Variants in CRACDL observed in about 807,000 individuals in gnomAD.
CRACDL encodes the protein CRACD-like protein.
CRACDL carries 26 observed loss-of-function variants against 70.6 expected under a neutral mutation model. That is an observed-to-expected ratio of 0.37 (90% CI 0.27 to 0.51). CRACDL has a LOEUF of 0.51. Among genes scored for constraint, CRACDL ranks in the 20% least tolerant of loss-of-function variants. The pLI is 0.94. For missense variants in CRACDL, 1,283 were observed against 1,376.9 expected (o/e 0.93, Z 1.08); for synonymous variants, 618 against 615.2 (o/e 1.00, Z -0.07).
At chr2:98,887,657 T>C (rs1329851407) in intron 1 of CRACDL, among the ~76,000 whole-genome samples, 2 of 152,114 alleles carry the variant, frequency 1.3e-5, no homozygotes, top group Non-Finnish European at 2.9e-5. Context: ...TTCAAGAAGC[T>C]TGATGACCTT....
chr2:98,819,769 T>C (rs1490647123), intron 7 of CRACDL, among the ~76,000 whole-genome samples: 1 of 152,122 alleles, frequency 6.6e-6, no homozygotes, highest in Non-Finnish European at 1.5e-5. Context: ...CTGGGTTCTA[T>C]TTCCTCTCTG....
intron 1 of CRACDL, among the ~76,000 whole-genome samples, chr2:98,869,705 C>T (rs1437782779): frequency 6.6e-6 from 1 of 152,226 alleles, no homozygotes; most frequent in Non-Finnish European, 1.5e-5. Context: ...GCCTTGATGT[C>T]CACTTGCTAT....
intron 1 of CRACDL, among the ~76,000 whole-genome samples, chr2:98,852,767 A>G (rs1012849076): frequency 6.6e-6 from 1 of 152,114 alleles, no homozygotes; most frequent in Non-Finnish European, 1.5e-5. Flanking sequence ...ATCAATAGAA[A>G]TGATCCAATC....
chr2:98,897,350 A>T, intron 1 of CRACDL: 1 of 1,299,392 alleles, frequency 7.7e-7, no homozygotes, highest in Non-Finnish European at 1.0e-6. Context: ...CTAAATATAT[A>T]TTTGCCTTGC....
intron 1 of CRACDL, among the ~76,000 whole-genome samples, chr2:98,914,544 T>G (rs1708623374): frequency 6.6e-6 from 1 of 152,176 alleles, no homozygotes; most frequent in Non-Finnish European, 1.5e-5. Context: ...GACAGCTTAC[T>G]GTTAGTTTCC....
intron 1 of CRACDL, among the ~76,000 whole-genome samples, chr2:98,922,509 C>T (rs1361062278): frequency 6.6e-6 from 1 of 151,710 alleles, no homozygotes; most frequent in Non-Finnish European, 1.5e-5. Flanking sequence ...GCCTCTCAAA[C>T]TACAATGGGC....
intron 1 of CRACDL, among the ~76,000 whole-genome samples, chr2:98,885,384 A>AT (rs1355784317): frequency 2.6e-5 from 4 of 151,928 alleles, no homozygotes. Context: ...AAGCTACTGC[A>AT]TTTTTTTTCC....
intron 1 of CRACDL, among the ~76,000 whole-genome samples, chr2:98,881,679 C>A (rs1707655265): frequency 6.6e-6 from 1 of 152,170 alleles, no homozygotes; most frequent in Admixed American, 6.5e-5. Flanking sequence ...GGGGCTCACC[C>A]ACAAGGACAA....
chr2:98,795,077 A>ATATATATATATATATTTTTT, intron 9 of CRACDL, among the ~76,000 whole-genome samples: 9 of 58,486 alleles, frequency 1.5e-4, no homozygotes, highest in Non-Finnish European at 2.8e-4. Context: ...ATATATATAT[A>ATATATATATATATATTTTTT]TTTTTTTTTT....
chr2:98,903,144 A>G (rs1257714383), intron 1 of CRACDL, among the ~76,000 whole-genome samples: 2 of 152,136 alleles, frequency 1.3e-5, no homozygotes, highest in Non-Finnish European at 1.5e-5. Context: ...TCAATGATGC[A>G]GAAGCCTGCG....
chr2:98,923,779 T>C (rs767546783), intron 1 of CRACDL, among the ~76,000 whole-genome samples: 13 of 152,238 alleles, frequency 8.5e-5, no homozygotes, highest in African/African-American at 3.1e-4. Context: ...GAAAACATAG[T>C]TACTGTCATA....
At chr2:98,854,279 C>CAAAAAAAAAAA (rs1229198569) in intron 1 of CRACDL, among the ~76,000 whole-genome samples, 1 of 54,212 alleles carries the variant, frequency 1.8e-5, no homozygotes, top group African/African-American at 6.5e-5. Context: ...GACTCTGTCT[C>CAAAAAAAAAAA]AAAAAAAAAA....
chr2:98,802,343 A>G (rs775898663), intron 7 of CRACDL, among the ~76,000 whole-genome samples: 12 of 152,250 alleles, frequency 7.9e-5, no homozygotes, highest in Non-Finnish European at 1.8e-4. Context: ...TCCCGGATGC[A>G]GGACACACTG....
At chr2:98,802,612 G>A (rs1704124327) in intron 7 of CRACDL, among the ~76,000 whole-genome samples, 1 of 152,218 alleles carries the variant, frequency 6.6e-6, no homozygotes, top group African/African-American at 2.4e-5. Flanking sequence ...GATAGGTGAT[G>A]GTTAGTTCTT....
At chr2:98,895,076 G>A (rs567242985) in intron 1 of CRACDL, among the ~76,000 whole-genome samples, 2 of 152,036 alleles carry the variant, frequency 1.3e-5, no homozygotes, top group African/African-American at 4.8e-5. Flanking sequence ...ATACCACTAC[G>A]CTCCAGCCTG....
Position 98,822,073 on chromosome 2 carries a change from G to A in CRACDL, c.2200C>T (p.Pro734Ser). ...GGGGCCCTGGTGCCTCGAAGGGCGG[G>A]GGCCGTCCCGAGGGGACACTTCTCC... ...KEEKCPLGTAPALRGTRAPSD... is the reference protein window; with the variant it reads ...KEEKCPLGTASALRGTRAPSD... The change falls in exon 7 of 10, where the codon CCC becomes TCC. Residue 734 changes from proline to serine, a missense_variant. Pro to Ser is a moderately conservative substitution (Grantham distance 74). Coordinates refer to ENST00000397899, the MANE Select transcript of CRACDL (RefSeq NM_207362.3). The surrounding 1 kb of genome is among the most constrained non-coding windows in gnomAD (Gnocchi z 4.9). The A allele has an allele frequency of 1.9e-6, 3 of 1,553,260 alleles. No homozygotes were observed. The highest frequency in any genetic ancestry group is 2.6e-6 in the Non-Finnish European group (3 of 1,148,426).
chr2:98,822,460 G>A lies in CRACDL; in HGVS notation c.1813C>T (p.Pro605Ser). ...AGAGCCGCCTCGCTCCTCCAGACCGGGCCGCTCCTCGCGAGGGGCAGGCGG... is the reference window on the plus strand; with the variant it reads ...AGAGCCGCCTCGCTCCTCCAGACCGAGCCGCTCCTCGCGAGGGGCAGGCGG... ...SGRLPLARSGPVWRSEAALDD... is the reference protein window; with the variant it reads ...SGRLPLARSGSVWRSEAALDD... The change falls in exon 7 of 10, where the codon CCG (proline) becomes TCG (serine). Residue 605 changes from proline to serine, a missense_variant. Physicochemically the swap from Pro to Ser is moderately conservative, Grantham distance 74. Transcript: ENST00000397899. This position sits in a 1 kb window ranked among gnomAD's most constrained non-coding sequence, Gnocchi z 4.9. The A allele has an allele frequency of 6.8e-7, 1 of 1,477,736 alleles. No individual in the cohort carries two copies. The highest frequency in any genetic ancestry group is 8.9e-7 in the Non-Finnish European group (1 of 1,122,358). 91.5% of individuals were successfully genotyped at this position (1,477,736 alleles called of 1,614,324 possible).
intron 1 of CRACDL, among the ~76,000 whole-genome samples, chr2:98,869,748 C>T (rs921320702): frequency 4.6e-5 from 7 of 152,212 alleles, no homozygotes; most frequent in African/African-American, 1.4e-4. Flanking sequence ...GAGGCACGCT[C>T]GTCTCTGCGC....
chr2:98,821,030 A>T (rs1324566450), intron 7 of CRACDL, among the ~76,000 whole-genome samples: 1 of 152,234 alleles, frequency 6.6e-6, no homozygotes, highest in East Asian at 1.9e-4. Flanking sequence ...TGAGTTTCTT[A>T]GGTCAAAAGT....
Sources: allele counts gnomAD v4.1 joint callset (sites outside exome capture counted in the v4.1 genomes callset), GRCh38; gene constraint gnomAD v4.1.1; non-coding constraint Gnocchi (gnomAD v3.1); transcripts MANE v1.5; gene names NCBI Gene and HGNC (gene_info 2026-07-23, HGNC 2026-07-21).